Variants in SYNGR3 observed in about 807,000 individuals in gnomAD.
The protein encoded by SYNGR3 is synaptogyrin 3.
A neutral mutation model predicts 18.5 loss-of-function variants in SYNGR3; 10 were observed. The observed-to-expected ratio is 0.54, with a 90% CI of 0.33 to 0.92. The LOEUF is 0.92. SYNGR3 is among the 40% of genes least tolerant of loss of function. The pLI is 0.02. For missense variants in SYNGR3, 335 were observed against 332.8 expected (o/e 1.01, Z -0.05); for synonymous variants, 188 against 157.2 (o/e 1.20, Z -1.47).
rs200780892 is a variant in SYNGR3 at position 1,993,575 on chromosome 16, A to G, written c.*503A>G. The G allele has an allele frequency of 5.7e-5, 26 of 458,104 alleles. No individual in the cohort carries two copies. In the Middle Eastern group the frequency reaches 1.3e-3, roughly 23 times the overall value. 28.4% of individuals were successfully genotyped at this position (458,104 alleles called of 1,614,324 possible). A position where few individuals can be genotyped will look rare whatever the true frequency, so the allele number is the denominator to read the frequency against. ...TGCGTCCCGTCCGGAGCCACTCTCC[A>G]CTTTCTCTCACAGGCTGCTAGAACA... On this transcript the variant is annotated 3_prime_UTR_variant, in exon 4 of 4. Coordinates refer to ENST00000248121, the MANE Select transcript of SYNGR3 (RefSeq NM_004209.6).
chr16:1,992,467 C>T (rs1196368542), intron 2 of SYNGR3, 169 bp from the exon 3 acceptor site: 1 of 1,018,402 alleles, frequency 9.8e-7, no homozygotes, highest in East Asian at 3.2e-5. Context: ...GGGTCTGGCG[C>T]TCCCGGGTGG....
Position 1,992,761 on chromosome 16 carries a change from T to G in SYNGR3, c.463T>G (p.Phe155Val), listed in dbSNP as rs2083611958. 1 of 1,573,280 alleles carries G rather than the reference T, an allele frequency of 6.4e-7. No homozygotes were observed. The highest frequency in any genetic ancestry group is 1.4e-5 in the African/African-American group (1 of 72,516). Residue 155 changes from phenylalanine to valine, a missense_variant, in exon 3 of 4, where the codon TTC becomes GTC. Phe to Val is a conservative substitution (Grantham distance 50). Transcript: ENST00000248121. ...GCGGGCCGCCATCGCCTTCAGCTTC[T>G]TCTCCATCCTCAGCTGGGTGAGTGC... Reference protein sequence around the residue: ...AARAAIAFSFFSILSWVALTV... With the variant: ...AARAAIAFSFVSILSWVALTV...
At position 1,992,874 on chromosome 16, in the gene SYNGR3, C is replaced by A; in HGVS notation, c.492C>A (p.Thr164=). ...CCCGCCCCGCGCAGGTGGCGCTCAC[C>A]GTGAAGGCCCTGCAGCGGTTCCGCC... ...FFSILSWVAL[T]VKALQRFRLG... The change falls in exon 4 of 4, where the codon ACC becomes ACA. Residue 164 remains threonine, a synonymous_variant. Transcript: ENST00000248121. 6.3e-7 allele frequency: 1 copy of A among 1,580,842 alleles called. No individual in the cohort carries two copies. Among genetic ancestry groups the A allele is most frequent in the African/African-American group, 1.3e-5 (1 of 74,254 alleles).
rs369141817 is a variant in SYNGR3 at position 1,992,742 on chromosome 16, C to T, written c.444C>T (p.Ala148=). 127 of 1,582,612 alleles carry T rather than the reference C, an allele frequency of 8.0e-5. No homozygotes were observed. In the African/African-American group the frequency reaches 1.5e-3, roughly 19 times the overall value. ...CGCAGGCGGGGGACGCGGCGCGGGC[C>T]GCCATCGCCTTCAGCTTCTTCTCCA... is the stretch of plus-strand genomic sequence containing the variant. ...ATTQAGDAAR[A]AIAFSFFSIL... The change falls in exon 3 of 4, where the codon GCC becomes GCT. Residue 148 remains alanine (A), a synonymous_variant. Coordinates refer to ENST00000248121, the MANE Select transcript of SYNGR3 (RefSeq NM_004209.6).
intron 1 of SYNGR3, chr16:1,990,700 C>T: frequency 3.9e-6 from 1 of 258,050 alleles, no homozygotes; most frequent in Non-Finnish European, 8.1e-6. Flanking sequence ...AGGCTCTGGG[C>T]TGGGAGGGCT....
Position 1,992,228 on chromosome 16 carries a change from C to G in SYNGR3, c.337+17C>G, listed in dbSNP as rs2083607859. 1.4e-6 allele frequency: 1 copy of G among 717,798 alleles called. No individual in the cohort carries two copies. Among genetic ancestry groups the G allele is most frequent in the East Asian group, 2.0e-4 (1 of 4,972 alleles). 44.5% of individuals were successfully genotyped at this position (717,798 alleles called of 1,614,324 possible). A position where few individuals can be genotyped will look rare whatever the true frequency, so the allele number is the denominator to read the frequency against. ...GCTTCTCAGGTGGGCGGGGCCGGGGCGGTGAGCGCGGAGAGCCTTCCGGGT... is the reference window on the plus strand; with the variant it reads ...GCTTCTCAGGTGGGCGGGGCCGGGGGGGTGAGCGCGGAGAGCCTTCCGGGT... On this transcript the variant is annotated intron_variant, in intron 2 of 3. Transcript: ENST00000248121.
In SYNGR3 at chr16:1,993,068, A is replaced by C. The variant is rs767358527; in HGVS notation, c.686A>C (p.Tyr229Ser). Residue 229 changes from tyrosine to serine, a missense_variant, in exon 4 of 4, where the codon TAC becomes TCC. Transcript: ENST00000248121. ...CCCAAAGGGTACCAGGTGCCCGCCT[A>C]CTAGCGGCTGGCAGGCACAGACCAG... ...TSPKGYQVPA[Y>S] 3.9e-5 allele frequency: 63 copies of C among 1,608,546 alleles called. No homozygotes were observed. The highest frequency in any genetic ancestry group is 2.5e-5 in the Non-Finnish European group (30 of 1,178,460).
chr16:1,990,573 G>T, intron 1 of SYNGR3: 1 of 442,306 alleles, frequency 2.3e-6, no homozygotes, highest in Non-Finnish European at 4.5e-6. Context: ...CGAGGGGCAG[G>T]AGGGGGCTAC....
intron 2 of SYNGR3, 70 bp from the exon 3 acceptor site, chr16:1,992,566 T>A: frequency 6.5e-7 from 1 of 1,542,046 alleles, no homozygotes; most frequent in Non-Finnish European, 8.7e-7. Context: ...CACCGACCTT[T>A]CCTCCTCCGG....
Position 1,990,637 on chromosome 16 carries a change from G to A in SYNGR3, c.99+436G>A, listed in dbSNP as rs534277826. 1.2e-3 allele frequency: 428 copies of A among 344,376 alleles called. 1 individual carries two copies. Among genetic ancestry groups the A allele is most frequent in the Non-Finnish European group, 2.3e-3 (376 of 164,162 alleles). The allele number at this position is 344,376 out of a possible 1,614,324, so 21.3% of individuals were successfully genotyped here. On this transcript the variant is annotated intron_variant, in intron 1 of 3. Coordinates refer to ENST00000248121, the MANE Select transcript of SYNGR3 (RefSeq NM_004209.6). Reference sequence around the variant, plus strand: ...CGCACACACACCCTCGGGTCTCCTTGGCAGGGAGCCTGTCCCCTGGCCCCC... The same window carrying A: ...CGCACACACACCCTCGGGTCTCCTTAGCAGGGAGCCTGTCCCCTGGCCCCC...
At position 1,993,817 on chromosome 16, in the gene SYNGR3, C is replaced by T; in HGVS notation, c.*745C>T. The T allele has an allele frequency of 2.9e-6, 1 of 342,128 alleles. No individual in the cohort carries two copies. Among genetic ancestry groups the T allele is most frequent in the South Asian group, 2.2e-5 (1 of 45,492 alleles). 21.2% of individuals were successfully genotyped at this position (342,128 alleles called of 1,614,324 possible). A position where few individuals can be genotyped will look rare whatever the true frequency, so the allele number is the denominator to read the frequency against. On this transcript the variant is annotated 3_prime_UTR_variant, in exon 4 of 4. Coordinates refer to ENST00000248121, the MANE Select transcript of SYNGR3 (RefSeq NM_004209.6). ...AGGAGAAGGATGCCTGGGTGCCAGG[C>T]AAGACAAGCCCCTCAGCAGGAGAGA...
intron 2 of SYNGR3, 21 bp from the exon 3 acceptor site, chr16:1,992,615 G>T: frequency 6.3e-7 from 1 of 1,584,648 alleles, no homozygotes; most frequent in Non-Finnish European, 8.6e-7. Flanking sequence ...GCGTCGCCCT[G>T]ACGCGCCGCA....
Position 1,992,798 on chromosome 16 carries a change from G to C in SYNGR3, c.480+20G>C. On this transcript the variant is annotated intron_variant, in intron 3 of 3. Coordinates refer to ENST00000248121, the MANE Select transcript of SYNGR3 (RefSeq NM_004209.6). The stretch of plus-strand genomic sequence containing the variant: ...AGCTGGGTGAGTGCGGGGCCCGGGA[G>C]GGCGGGGCGAAGGGGCGGGCGCTCG... 6.6e-7 allele frequency: 1 copy of C among 1,518,806 alleles called. No individual in the cohort carries two copies. Among genetic ancestry groups the C allele is most frequent in the Non-Finnish European group, 8.8e-7 (1 of 1,138,236 alleles). 94.1% of individuals were successfully genotyped at this position (1,518,806 alleles called of 1,614,324 possible).
intron 1 of SYNGR3, 54 bp downstream of exon 1, chr16:1,990,255 G>A (rs1257031620): frequency 2.0e-5 from 18 of 919,660 alleles, no homozygotes; most frequent in Middle Eastern, 3.8e-4. Flanking sequence ...CGACCTTCAG[G>A]CCCCTACCAG....
In SYNGR3 at chr16:1,992,950, A is replaced by G. The variant is rs1014051337; in HGVS notation, c.568A>G (p.Ser190Gly). 4 of 1,611,506 alleles carry G rather than the reference A, an allele frequency of 2.5e-6. No homozygotes were observed. Among genetic ancestry groups the G allele is most frequent in the African/African-American group, 1.3e-5 (1 of 74,886 alleles). The change falls in exon 4 of 4, where the codon AGC (serine) becomes GGC (glycine). Residue 190 changes from serine to glycine, a missense_variant. Transcript: ENST00000248121. ...CACCGAACAGCTGAGCACCGGGGCG[A>G]GCCAGGCCTACCCCGGCTATCCGGT... Reference protein sequence around the residue: ...FATEQLSTGASQAYPGYPVGS... With the variant: ...FATEQLSTGAGQAYPGYPVGS...
In SYNGR3 at chr16:1,992,124, G is replaced by A. The variant is rs367678643; in HGVS notation, c.250G>A (p.Ala84Thr). ...LGLGAFLACA[A>T]FLLLDVRFQQ... ...CCTCGGAGCCTTCCTCGCCTGCGCC[G>A]CCTTCCTGCTGCTCGATGTGCGCTT... Residue 84 changes from alanine to threonine, a missense_variant, in exon 2 of 4, where the codon GCC becomes ACC. Coordinates refer to ENST00000248121, the MANE Select transcript of SYNGR3 (RefSeq NM_004209.6). 53 of 1,546,858 alleles carry A rather than the reference G, an allele frequency of 3.4e-5. No homozygotes were observed. In the African/African-American group the frequency reaches 7.1e-4, roughly 21 times the overall value.
intron 1 of SYNGR3, 64 bp downstream of exon 1, chr16:1,990,265 G>GGGGC: frequency 1.4e-6 from 1 of 694,328 alleles, no homozygotes; most frequent in Non-Finnish European, 1.9e-6. Flanking sequence ...GCCCCTACCA[G>GGGGC]CCCCCTGCCC....
In SYNGR3 at chr16:1,990,221, G is replaced by T; in HGVS notation, c.99+20G>T. On this transcript the variant is annotated intron_variant, in intron 1 of 3. Coordinates refer to ENST00000248121, the MANE Select transcript of SYNGR3 (RefSeq NM_004209.6). ...TCCTGGGTGAGTGGTCCCTGCCCGG[G>T]CCCCCGCTCCCGCCCCTGCCTCGCG... 1.6e-6 allele frequency: 2 copies of T among 1,244,302 alleles called. No homozygotes were observed. Among genetic ancestry groups the T allele is most frequent in the Non-Finnish European group, 2.0e-6 (2 of 983,966 alleles). 77.1% of individuals were successfully genotyped at this position (1,244,302 alleles called of 1,614,324 possible).
intron 1 of SYNGR3, 175 bp downstream of exon 1, chr16:1,990,376 A>T: frequency 3.3e-5 from 11 of 334,414 alleles, no homozygotes; most frequent in Admixed American, 5.1e-5. Context: ...GTCACCGGGC[A>T]GGGCGCGCCC....
Sources: gnomAD v4.1 joint callset for allele counts on GRCh38, gnomAD v4.1.1 for gene constraint, MANE v1.5 for transcripts, NCBI Gene and HGNC (gene_info 2026-07-23, HGNC 2026-07-21) for gene names.